RYR2: variants seen among roughly 807,000 people sequenced by gnomAD.
The protein encoded by RYR2 is cardiac muscle ryanodine receptor-calcium release channel.
Under a neutral mutation model 601.1 loss-of-function variants are expected in RYR2, and 227 were observed. That is an observed-to-expected ratio of 0.38 (90% CI 0.34 to 0.42). The LOEUF (loss-of-function observed/expected upper bound fraction) is 0.42. Ranked by LOEUF, RYR2 falls within the 10% of genes least tolerant of loss-of-function variation. The pLI, the probability that RYR2 is intolerant of heterozygous loss-of-function variation, is 1.00. For missense variants in RYR2, 4,646 were observed against 6,156.5 expected, an observed-to-expected ratio of 0.75 and a Z score of 8.21; for synonymous variants, 2,223 against 2,175.1, an observed-to-expected ratio of 1.02 and a Z score of -0.61.
rs149710470 is a variant in RYR2, at chr1:237,591,089, TCTC to T, written c.4160+119_4160+121del. ...CTCCTAGTGTAAATTTTTTCCTCCTTCTCCTCCTCCTCCTCCTCCTCCTCTTCC... is the reference window on the plus strand; with the variant it reads ...CTCCTAGTGTAAATTTTTTCCTCCTTCTCCTCCTCCTCCTCCTCCTCTTCC... On this transcript the variant is annotated intron_variant, in intron 31 of 104. Coordinates refer to ENST00000366574, the MANE Select transcript of RYR2 (RefSeq NM_001035.3). 2.8e-3 allele frequency: 2,066 copies of T among 736,126 alleles called. 1 individual carries two copies. Among genetic ancestry groups the T allele is most frequent in the East Asian group, 7.2e-3 (216 of 29,986 alleles). The allele number at this position is 736,126 out of a possible 1,614,324, so 45.6% of individuals were successfully genotyped here. A position where few individuals can be genotyped will look rare whatever the true frequency, so the allele number is the denominator to read the frequency against.
chr1:237,161,117 G>A (rs1572055025), intron 1 of RYR2, among the ~76,000 whole-genome samples: 1 of 152,128 alleles, frequency 6.6e-6, no homozygotes, highest in Non-Finnish European at 1.5e-5. Context: ...TGTAGACTCT[G>A]CATGCAAATA....
At chr1:237,213,533 TTTC>T (rs1219121742) in intron 1 of RYR2, among the ~76,000 whole-genome samples, 1 of 152,132 alleles carries the variant, frequency 6.6e-6, no homozygotes, top group Non-Finnish European at 1.5e-5. Flanking sequence ...GTTGAGTGTA[TTTC>T]TTCTTTTGTG....
chr1:237,450,764 A>G (rs948283086), intron 14 of RYR2, among the ~76,000 whole-genome samples: 1 of 152,104 alleles, frequency 6.6e-6, no homozygotes, highest in Non-Finnish European at 1.5e-5. Flanking sequence ...TATTTTTCTG[A>G]GTTATCTAAC....
At chr1:237,726,129 C>T (rs1399365884) in intron 74 of RYR2, 144 bp from the exon 75 acceptor site, 13 of 640,598 alleles carry the variant, frequency 2.0e-5, no homozygotes, top group South Asian at 7.5e-5. Context: ...CAAGTTGCCT[C>T]GTGAAAATTT....
chr1:237,742,452 T>A, intron 80 of RYR2, 103 bp downstream of exon 80: 1 of 885,588 alleles, frequency 1.1e-6, no homozygotes, highest in East Asian at 2.7e-5. Context: ...TTATTGCAGC[T>A]TATTGTGTCA....
intron 1 of RYR2, among the ~76,000 whole-genome samples, chr1:237,061,263 T>TCATCTATCTAG (rs1662821629): frequency 7.8e-6 from 1 of 128,764 alleles, no homozygotes; most frequent in East Asian, 2.1e-4. Flanking sequence ...CATCTATCTA[T>TCATCTATCTAG]CTATCCATCT....
intron 67 of RYR2, among the ~76,000 whole-genome samples, chr1:237,706,159 G>A (rs1159649324): frequency 1.3e-5 from 2 of 152,180 alleles, no homozygotes; most frequent in Non-Finnish European, 2.9e-5. Context: ...TGAGGCATGA[G>A]AATCGCTTGA....
chr1:237,470,000 C>A (rs981436529), intron 17 of RYR2, among the ~76,000 whole-genome samples: 2 of 152,244 alleles, frequency 1.3e-5, no homozygotes, highest in Non-Finnish European at 2.9e-5. Flanking sequence ...TAATTGACCT[C>A]TCTAGTGCCA....
chr1:237,746,441 A>G (rs1692084284), intron 80 of RYR2, among the ~76,000 whole-genome samples: 1 of 152,168 alleles, frequency 6.6e-6, no homozygotes. Context: ...AAGTGCTATT[A>G]TAGGGAAATT....
intron 29 of RYR2, among the ~76,000 whole-genome samples, chr1:237,580,421 T>C (rs982751502): frequency 6.6e-6 from 1 of 151,164 alleles, no homozygotes; most frequent in Non-Finnish European, 1.5e-5. Flanking sequence ...CCTCCAAAGG[T>C]GTTGGGATTA....
chr1:237,508,679 C>A (rs542257896), intron 23 of RYR2, among the ~76,000 whole-genome samples: 12 of 147,318 alleles, frequency 8.1e-5, no homozygotes, highest in Admixed American at 2.7e-4. Context: ...ACATTTAGTT[C>A]TGGTTGATAC....
chr1:237,469,031 C>G (rs562935917), intron 16 of RYR2, 61 bp from the exon 17 acceptor site: 66 of 1,374,436 alleles, frequency 4.8e-5, no homozygotes, highest in Non-Finnish European at 6.5e-5. Context: ...TGCATATTAG[C>G]TTATCTCAAT....
chr1:237,606,678 C>G (rs1244184125), intron 35 of RYR2, among the ~76,000 whole-genome samples: 1 of 152,180 alleles, frequency 6.6e-6, no homozygotes, highest in African/African-American at 2.4e-5. Context: ...ATCTTCTCAT[C>G]TGACAAAGGG....
intron 25 of RYR2, among the ~76,000 whole-genome samples, chr1:237,545,154 A>G (rs192952581): frequency 7.9e-5 from 12 of 152,374 alleles, no homozygotes; most frequent in Admixed American, 3.3e-4. Flanking sequence ...ATGCATCTCC[A>G]TAAGTTTTCA....
At chr1:237,229,556 G>A (rs1684747712) in intron 1 of RYR2, among the ~76,000 whole-genome samples, 1 of 152,110 alleles carries the variant, frequency 6.6e-6, no homozygotes, top group Non-Finnish European at 1.5e-5. Context: ...ACCCGGAAGT[G>A]ACCCTATAAT....
At chr1:237,210,593 G>T (rs537965901) in intron 1 of RYR2, among the ~76,000 whole-genome samples, 2 of 152,212 alleles carry the variant, frequency 1.3e-5, no homozygotes, top group African/African-American at 4.8e-5. Context: ...TCCATTATAT[G>T]CTGGTCCTAT....
intron 72 of RYR2, 99 bp downstream of exon 72, chr1:237,717,467 G>T: frequency 9.8e-7 from 1 of 1,015,530 alleles, no homozygotes; most frequent in Non-Finnish European, 1.4e-6. Context: ...TATTTCATTT[G>T]CATTACATGT....
intron 2 of RYR2, among the ~76,000 whole-genome samples, chr1:237,272,040 G>A (rs1022456700): frequency 1.3e-5 from 2 of 152,134 alleles, no homozygotes; most frequent in Non-Finnish European, 2.9e-5. Flanking sequence ...TGAGGCACAA[G>A]AATCCCTTAA....
At chr1:237,496,784 C>T (rs771838104) in intron 20 of RYR2, 32 bp downstream of exon 20, 1 of 1,583,780 alleles carries the variant, frequency 6.3e-7, no homozygotes, top group Non-Finnish European at 8.6e-7. Context: ...TCACCGTGTT[C>T]CAGAAGATCT....
Sources: gnomAD v4.1 joint callset for allele counts (sites outside exome capture counted in the v4.1 genomes callset) on GRCh38, gnomAD v4.1.1 for gene constraint, MANE v1.5 for transcripts, NCBI Gene and HGNC (gene_info 2026-07-23, HGNC 2026-07-21) for gene names.